AFAP1: variants seen among roughly 807,000 people sequenced by gnomAD.
AFAP1 encodes the protein actin filament-associated protein 1.
AFAP1 carries 75 observed loss-of-function variants against 93.9 expected under a neutral mutation model. That is an observed-to-expected ratio of 0.80 (90% confidence interval 0.66 to 0.97). The LOEUF is 0.97. Ranked by LOEUF, AFAP1 falls within the 50% of genes least tolerant of loss-of-function variation. The probability of loss-of-function intolerance (pLI) is 0.00; values close to 1 mark genes in which losing one functional copy is unlikely to be tolerated. For missense variants in AFAP1, 1,201 were observed against 1,050.8 expected (o/e 1.14, Z -1.98); for synonymous variants, 517 against 430.7 (o/e 1.20, Z -2.48).
chr4:7,795,303 G>A (rs561958453), intron 10 of AFAP1, among the ~76,000 whole-genome samples: 3 of 148,594 alleles, frequency 2.0e-5, no homozygotes, highest in South Asian at 2.2e-4. Flanking sequence ...GAGAATCAGT[G>A]TTTGCCAAAT....
intron 1 of AFAP1, among the ~76,000 whole-genome samples, chr4:7,936,346 G>C (rs1486803752): frequency 6.7e-6 from 1 of 149,660 alleles, no homozygotes; most frequent in African/African-American, 2.6e-5. Context: ...ATTTTTTACA[G>C]AAAGGGTTTC....
intron 4 of AFAP1, among the ~76,000 whole-genome samples, chr4:7,852,957 G>A (rs994764190): frequency 2.0e-5 from 3 of 152,174 alleles, no homozygotes. Context: ...TCTCCTCTGC[G>A]GGGAGTTGGG....
In AFAP1 at chr4:7,761,042, C is replaced by G. The variant is rs1713711045; in HGVS notation, c.*2723G>C. The G allele has an allele frequency of 1.3e-5, 2 of 152,224 alleles. No homozygotes were observed. The highest frequency in any genetic ancestry group is 4.1e-4 in the South Asian group (2 of 4,834). The allele number at this position is 152,224 out of a possible 1,614,324, so 9.4% of individuals were successfully genotyped here. ...GACACACTCGCAGCTGCCACAGAGGCAAGGGGTGCTTGTTCCTGGGGCATG... is the reference window on the plus strand; with the variant it reads ...GACACACTCGCAGCTGCCACAGAGGGAAGGGGTGCTTGTTCCTGGGGCATG... On this transcript the variant is annotated 3_prime_UTR_variant, in exon 18 of 18. Coordinates refer to ENST00000420658, the MANE Select transcript of AFAP1 (RefSeq NM_001134647.2).
In AFAP1 at chr4:7,781,410, G is replaced by C; in HGVS notation, c.1748C>G (p.Ser583Cys). The C allele has an allele frequency of 6.4e-7, 1 of 1,551,924 alleles. No individual in the cohort carries two copies. The highest frequency in any genetic ancestry group is 8.7e-7 in the Non-Finnish European group (1 of 1,147,058). ...ASAQSVTNTS[S>C]VGRASLGLNS... ...GAGCCCGAGAGACGCCCTCCCCACA[G>C]AAGAGGTATTAGTGACAGACTGAGC... Residue 583 changes from serine (S) to cysteine (C), a missense_variant, in exon 13 of 18, where the codon TCT becomes TGT. Ser to Cys is a moderately radical substitution (Grantham distance 112). Transcript: ENST00000420658.
At chr4:7,870,239 G>A (rs1194222532) in intron 2 of AFAP1, among the ~76,000 whole-genome samples, 1 of 152,192 alleles carries the variant, frequency 6.6e-6, no homozygotes, top group African/African-American at 2.4e-5. Context: ...TAACTTTGAA[G>A]TTCATACTCA....
chr4:7,895,332 G>C (rs1430173452), intron 1 of AFAP1, among the ~76,000 whole-genome samples: 3 of 152,122 alleles, frequency 2.0e-5, no homozygotes, highest in African/African-American at 7.2e-5. Context: ...ACAGTCCTTA[G>C]CTCGTAAGAA....
At chr4:7,922,525 T>C (rs1720494434) in intron 1 of AFAP1, among the ~76,000 whole-genome samples, 1 of 152,088 alleles carries the variant, frequency 6.6e-6, no homozygotes, top group Non-Finnish European at 1.5e-5. Flanking sequence ...AAGTATAAAT[T>C]CTAAGTGCAG....
At chr4:7,851,725 C>T (rs774378982) in intron 4 of AFAP1, among the ~76,000 whole-genome samples, 32 of 152,184 alleles carry the variant, frequency 2.1e-4, no homozygotes, top group Non-Finnish European at 3.2e-4. Flanking sequence ...CAGGTACTTC[C>T]GAGTACCCTA....
intron 1 of AFAP1, among the ~76,000 whole-genome samples, chr4:7,896,782 G>T (rs553916594): frequency 3.2e-4 from 27 of 83,782 alleles, no homozygotes; most frequent in African/African-American, 1.2e-3. Flanking sequence ...CCACACCCAG[G>T]GCTCAGTCCT....
At chr4:7,822,586 CTTTTTTTTTT>C (rs5855982) in intron 6 of AFAP1, among the ~76,000 whole-genome samples, 1 of 132,560 alleles carries the variant, frequency 7.5e-6, no homozygotes, top group Admixed American at 7.7e-5. Context: ...TTTCTTTTTT[CTTTTTTTTTT>C]TTTTTTGAGA....
intron 4 of AFAP1, among the ~76,000 whole-genome samples, chr4:7,848,907 G>T (rs1030001450): frequency 6.6e-6 from 1 of 152,080 alleles, no homozygotes; most frequent in African/African-American, 2.4e-5. Flanking sequence ...GTTTATTCCA[G>T]AAAAAAACTG....
rs1577158480 is a variant in AFAP1 at position 7,760,552 on chromosome 4, C to T, written c.*3213G>A. On this transcript the variant is annotated 3_prime_UTR_variant, in exon 18 of 18. Transcript: ENST00000420658. ...CCTTGCAGACAGATGGGCCTTGCCC[C>T]AGTTCCCCGCAGATTCTGGGAAGAG... 2.0e-5 allele frequency: 3 copies of T among 152,418 alleles called. No homozygotes were observed. In the South Asian group the frequency reaches 6.2e-4, roughly 32 times the overall value. 9.4% of individuals were successfully genotyped at this position (152,418 alleles called of 1,614,324 possible).
At position 7,870,633 on chromosome 4, in the gene AFAP1, T is replaced by A. The variant is rs143706422; in HGVS notation, c.127+1319A>T. Among the ~76,000 whole-genome samples the A allele has an allele frequency of 5.9e-3, 891 of 152,170 alleles. 7 individuals are homozygous for A. Among genetic ancestry groups the A allele is most frequent in the African/African-American group, 0.019 (778 of 41,496 alleles). On this transcript the variant is annotated intron_variant, in intron 2 of 17. Coordinates refer to ENST00000420658, the MANE Select transcript of AFAP1 (RefSeq NM_001134647.2). ...GATCACACCACTGCACTCCAGCCTG[T>A]GTGACACAGTGAGACCCTGTCTCAA... is the stretch of plus-strand genomic sequence containing the variant.
At chr4:7,814,229 A>T (rs1720280784) in intron 8 of AFAP1, among the ~76,000 whole-genome samples, 1 of 152,250 alleles carries the variant, frequency 6.6e-6, no homozygotes, top group African/African-American at 2.4e-5. Flanking sequence ...ATTTCACCAA[A>T]GAAGATATAC....
chr4:7,808,184 A>T (rs1185887451), intron 9 of AFAP1, among the ~76,000 whole-genome samples: 2 of 152,140 alleles, frequency 1.3e-5, no homozygotes, highest in South Asian at 2.1e-4. Flanking sequence ...ACATTCCTAT[A>T]ATTTCTCGAA....
chr4:7,900,032 G>A (rs1719029320), intron 1 of AFAP1, among the ~76,000 whole-genome samples: 2 of 152,116 alleles, frequency 1.3e-5, no homozygotes, highest in South Asian at 4.1e-4. Flanking sequence ...CTAAGCCATG[G>A]CAAATACCCC....
At chr4:7,900,967 C>A (rs368242154) in intron 1 of AFAP1, among the ~76,000 whole-genome samples, 9 of 152,330 alleles carry the variant, frequency 5.9e-5, no homozygotes, top group African/African-American at 1.9e-4. Flanking sequence ...CATCAAAAAA[C>A]AGCTTTGGGC....
At chr4:7,888,563 A>C (rs1407299813) in intron 1 of AFAP1, among the ~76,000 whole-genome samples, 1 of 152,230 alleles carries the variant, frequency 6.6e-6, no homozygotes, top group African/African-American at 2.4e-5. Context: ...GAAAAGAATA[A>C]ACAGACTATC....
intron 3 of AFAP1, among the ~76,000 whole-genome samples, chr4:7,855,987 T>C (rs983620453): frequency 3.3e-5 from 5 of 152,092 alleles, no homozygotes; most frequent in African/African-American, 9.7e-5. Flanking sequence ...AGACGCAGAC[T>C]CTGGGACTCC....
Sources: allele counts gnomAD v4.1 joint callset (sites outside exome capture counted in the v4.1 genomes callset), GRCh38; gene constraint gnomAD v4.1.1; transcripts MANE v1.5; gene names NCBI Gene and HGNC (gene_info 2026-07-23, HGNC 2026-07-21).